The following PPM1H variants were observed in gnomAD, a reference collection of about 807,000 sequenced individuals.
The protein encoded by PPM1H is protein phosphatase, Mg2+/Mn2+ dependent 1H, also known as protein phosphatase 1H.
In PPM1H, 27 loss-of-function variants were observed where a neutral mutation model predicts 54.9. That is an observed-to-expected ratio of 0.49 (90% CI 0.36 to 0.68). The LOEUF is 0.68. Ranked by LOEUF, PPM1H falls within the 30% of genes least tolerant of loss-of-function variation. PPM1H has a pLI of 0.00. For synonymous variants in PPM1H, 305 were observed against 270.8 expected, an observed-to-expected ratio of 1.13 and a Z score of -1.24; for missense variants, 596 against 667.8, an observed-to-expected ratio of 0.89 and a Z score of 1.19.
intron 8 of PPM1H, among the ~76,000 whole-genome samples, chr12:62,680,390 T>C (rs2076013155): frequency 6.6e-6 from 1 of 151,924 alleles, no homozygotes; most frequent in Admixed American, 6.6e-5. Context: ...CCTATGTTGC[T>C]CAGGCTGGCC....
At chr12:62,663,992 CAAA>C (rs66772973) in intron 9 of PPM1H, among the ~76,000 whole-genome samples, 115 of 139,852 alleles carry the variant, frequency 8.2e-4, no homozygotes, top group Middle Eastern at 3.6e-3. Flanking sequence ...AACTCCATCT[CAAA>C]AAAAAAAAAA....
At chr12:62,708,406 T>C (rs964743800) in intron 6 of PPM1H, among the ~76,000 whole-genome samples, 13 of 152,348 alleles carry the variant, frequency 8.5e-5, no homozygotes, top group African/African-American at 1.9e-4. Flanking sequence ...GGTGACCATC[T>C]TCATAGGATT....
At chr12:62,918,953 A>G (rs955098310) in intron 1 of PPM1H, among the ~76,000 whole-genome samples, 2 of 152,234 alleles carry the variant, frequency 1.3e-5, no homozygotes, top group African/African-American at 4.8e-5. Context: ...GTTCCTGACT[A>G]ACCAATGCCT....
chr12:62,802,519 A>C (rs887826493), intron 2 of PPM1H, among the ~76,000 whole-genome samples: 1 of 151,830 alleles, frequency 6.6e-6, no homozygotes. Flanking sequence ...TCCTACAAAC[A>C]GACAAGTCTG....
chr12:62,648,704 T>C, intron 9 of PPM1H, 68 bp from the exon 10 acceptor site: 8 of 1,531,600 alleles, frequency 5.2e-6, no homozygotes, highest in Non-Finnish European at 7.2e-6. Context: ...CAAGTGAGGC[T>C]GGGAAGGGGG....
intron 1 of PPM1H, among the ~76,000 whole-genome samples, chr12:62,868,666 T>C (rs1173553352): frequency 1.3e-5 from 2 of 152,182 alleles, no homozygotes; most frequent in African/African-American, 4.8e-5. Context: ...TGTACAAATA[T>C]GCACAGGAGA....
In PPM1H at chr12:62,802,126, A is replaced by G. The variant is rs1440325360; in HGVS notation, c.446T>C (p.Leu149Pro). The G allele has an allele frequency of 6.3e-7, 1 of 1,583,912 alleles. No individual in the cohort carries two copies. Among genetic ancestry groups the G allele is most frequent in the Non-Finnish European group, 8.6e-7 (1 of 1,163,644 alleles). ...SEGVSCHYWS[L>P]FDGHAGSGAA... ...CCCGGACCCCGCGTGCCCGTCAAAC[A>G]GCGACCAATAGTGGCAGGAAACACC... Residue 149 changes from leucine (L) to proline (P), a missense_variant, in exon 3 of 10, where the codon CTG becomes CCG. By Grantham distance (98) the Leu-to-Pro change is moderately conservative. This residue lies in a region of PPM1H where 382 missense variants were observed against 387.1 expected (regional missense o/e 0.99). Coordinates refer to ENST00000228705, the MANE Select transcript of PPM1H (RefSeq NM_020700.2).
chr12:62,717,287 A>G (rs2076239948), intron 6 of PPM1H, among the ~76,000 whole-genome samples: 1 of 152,250 alleles, frequency 6.6e-6, no homozygotes, highest in African/African-American at 2.4e-5. Flanking sequence ...GTTGTGAGCC[A>G]ACAGCCGTTT....
intron 2 of PPM1H, among the ~76,000 whole-genome samples, chr12:62,813,191 C>T (rs1310107062): frequency 6.6e-6 from 1 of 152,026 alleles, no homozygotes; most frequent in Admixed American, 6.6e-5. Flanking sequence ...ATACACAAAG[C>T]CAAGGAGTGG....
At chr12:62,653,584 G>A (rs1176497763) in intron 9 of PPM1H, among the ~76,000 whole-genome samples, 1 of 152,188 alleles carries the variant, frequency 6.6e-6, no homozygotes, top group Non-Finnish European at 1.5e-5. Context: ...AGGGCCCGGA[G>A]GGAAGGCTCT....
chr12:62,760,515 C>A (rs1160419693), intron 4 of PPM1H, among the ~76,000 whole-genome samples: 1 of 152,152 alleles, frequency 6.6e-6, no homozygotes, highest in African/African-American at 2.4e-5. Flanking sequence ...CCCCTCACAC[C>A]CAGTCTGGTT....
intron 9 of PPM1H, among the ~76,000 whole-genome samples, chr12:62,662,529 A>G (rs1009142049): frequency 6.6e-6 from 1 of 152,210 alleles, no homozygotes. Flanking sequence ...CTTATTATCT[A>G]TTAGGCACTT....
chr12:62,749,728 C>T (rs2076431170), intron 4 of PPM1H, among the ~76,000 whole-genome samples: 2 of 152,162 alleles, frequency 1.3e-5, no homozygotes, highest in African/African-American at 4.8e-5. Context: ...AACAAGACCC[C>T]AACTATGCAA....
chr12:62,704,189 T>C (rs7135080), intron 6 of PPM1H, among the ~76,000 whole-genome samples: 22,955 of 152,192 alleles, frequency 0.15, 2,198 homozygotes, highest in African/African-American at 0.27. Flanking sequence ...ATCTGAGGCA[T>C]GCTTAACAAC....
intron 4 of PPM1H, among the ~76,000 whole-genome samples, chr12:62,745,906 GTC>G (rs1214000888): frequency 1.3e-5 from 2 of 152,122 alleles, no homozygotes; most frequent in Admixed American, 1.3e-4. Flanking sequence ...ATATAAAGAA[GTC>G]TAGACCAGGC....
intron 1 of PPM1H, among the ~76,000 whole-genome samples, chr12:62,900,250 T>A (rs555110547): frequency 4.6e-5 from 7 of 152,166 alleles, no homozygotes; most frequent in Middle Eastern, 3.4e-3. Flanking sequence ...CACCTATGAG[T>A]GAGAACATGC....
intron 1 of PPM1H, among the ~76,000 whole-genome samples, chr12:62,922,245 C>A (rs36183582): frequency 0.15 from 22,193 of 151,964 alleles, 1,780 homozygotes; most frequent in East Asian, 0.26. Context: ...GCCTTTATTC[C>A]ATGTAAAGCC....
At chr12:62,679,309 C>A (rs2076005722) in intron 8 of PPM1H, among the ~76,000 whole-genome samples, 1 of 152,144 alleles carries the variant, frequency 6.6e-6, no homozygotes, top group Non-Finnish European at 1.5e-5. Flanking sequence ...AATGTGATTT[C>A]ATCCCCAAAA....
chr12:62,935,114 C>T lies in PPM1H; in HGVS notation c.-378G>A, dbSNP rs1446543425. On this transcript the variant is annotated 5_prime_UTR_variant, in exon 1 of 10. Coordinates refer to ENST00000228705, the MANE Select transcript of PPM1H (RefSeq NM_020700.2). ...CCACCCGGCGAGCTCGCGGAGCCGC[C>T]GCGGCTGCTGCCACGGCTACTGCCG... The T allele has an allele frequency of 6.4e-6, 1 of 156,996 alleles. No individual in the cohort carries two copies. The highest frequency in any genetic ancestry group is 1.4e-5 in the Non-Finnish European group (1 of 71,320). The allele number at this position is 156,996 out of a possible 1,614,324, so 9.7% of individuals were successfully genotyped here. A position where few individuals can be genotyped will look rare whatever the true frequency, so the allele number is the denominator to read the frequency against.
Sources: gnomAD v4.1 joint callset for allele counts (sites outside exome capture counted in the v4.1 genomes callset) on GRCh38, gnomAD v4.1.1 for gene constraint, gnomAD v4.1.1 regional missense constraint, MANE v1.5 for transcripts, NCBI Gene and HGNC (gene_info 2026-07-23, HGNC 2026-07-21) for gene names.